Variants in TSPAN9 observed in about 807,000 individuals in gnomAD.
The protein encoded by TSPAN9 is tetraspanin 9.
Under a neutral mutation model 31.0 loss-of-function variants are expected in TSPAN9, and 16 were observed. The observed-to-expected ratio is 0.52, with a 90% CI of 0.35 to 0.78. TSPAN9 has a LOEUF of 0.78. Among genes scored for constraint, TSPAN9 ranks in the 30% least tolerant of loss-of-function variants. The pLI, the probability that TSPAN9 is intolerant of heterozygous loss-of-function variation, is 0.01. For synonymous variants in TSPAN9, 145 were observed against 121.6 expected, an observed-to-expected ratio of 1.19 and a Z score of -1.27; for missense variants, 272 against 312.5, an observed-to-expected ratio of 0.87 and a Z score of 0.98.
At chr12:3,202,540 A>T (rs1027113304) in intron 3 of TSPAN9, among the ~76,000 whole-genome samples, 3 of 152,172 alleles carry the variant, frequency 2.0e-5, no homozygotes, top group South Asian at 2.1e-4. Context: ...ACCTTGGGCA[A>T]ATCACTTGGT....
chr12:3,166,587 G>A (rs907666969), intron 2 of TSPAN9, among the ~76,000 whole-genome samples: 7 of 152,210 alleles, frequency 4.6e-5, no homozygotes, highest in African/African-American at 1.7e-4. Context: ...CTAACCTTCT[G>A]TTGAAGTATA....
chr12:3,189,975 C>T (rs1352075873), intron 2 of TSPAN9, among the ~76,000 whole-genome samples: 2 of 152,152 alleles, frequency 1.3e-5, no homozygotes, highest in South Asian at 2.1e-4. Flanking sequence ...ACTCTATCAG[C>T]GAGAGTGGAA....
intron 2 of TSPAN9, among the ~76,000 whole-genome samples, chr12:3,096,128 G>T (rs766140888): frequency 6.6e-6 from 1 of 152,206 alleles, no homozygotes. Flanking sequence ...GGGCGGCGGC[G>T]GCTGCCGCTT....
chr12:3,207,926 C>T (rs970649035), intron 3 of TSPAN9, among the ~76,000 whole-genome samples: 4 of 152,240 alleles, frequency 2.6e-5, no homozygotes, highest in African/African-American at 4.8e-5. Flanking sequence ...GAGTGGGCGC[C>T]TCCAGAAGTG....
At chr12:3,116,237 T>C (rs901000143) in intron 2 of TSPAN9, among the ~76,000 whole-genome samples, 2 of 152,206 alleles carry the variant, frequency 1.3e-5, no homozygotes, top group African/African-American at 4.8e-5. Context: ...GCATAGCAGA[T>C]CAGGATGCAG....
intron 2 of TSPAN9, among the ~76,000 whole-genome samples, chr12:3,142,481 G>A (rs891025184): frequency 2.0e-5 from 3 of 152,204 alleles, no homozygotes; most frequent in African/African-American, 7.2e-5. Context: ...TGGGATGAAA[G>A]GTGATATATA....
chr12:3,191,274 TG>T (rs5796039), intron 2 of TSPAN9, among the ~76,000 whole-genome samples: 35,577 of 151,958 alleles, frequency 0.23, 5,136 homozygotes, highest in South Asian at 0.4. Context: ...ATCTGTGCTC[TG>T]GCCCACCCTC....
intron 3 of TSPAN9, among the ~76,000 whole-genome samples, chr12:3,246,545 C>T (rs976214444): frequency 3.3e-5 from 5 of 152,146 alleles, no homozygotes; most frequent in African/African-American, 1.2e-4. Context: ...GCAAAATTTC[C>T]CACTTGAGAA....
chr12:3,078,302 C>T (rs2098296153), intron 1 of TSPAN9, among the ~76,000 whole-genome samples: 1 of 152,102 alleles, frequency 6.6e-6, no homozygotes, highest in East Asian at 1.9e-4. Flanking sequence ...TCATTATGTG[C>T]GCGTGCCCTT....
chr12:3,220,784 G>A (rs2098384072), intron 3 of TSPAN9, among the ~76,000 whole-genome samples: 1 of 152,126 alleles, frequency 6.6e-6, no homozygotes, highest in East Asian at 1.9e-4. Flanking sequence ...CAGCACAGAG[G>A]GCTCTCGGTG....
chr12:3,161,681 C>T (rs771329762), intron 2 of TSPAN9, among the ~76,000 whole-genome samples: 6 of 152,158 alleles, frequency 3.9e-5, no homozygotes, highest in African/African-American at 7.2e-5. Context: ...TGATATTGTA[C>T]AATTCTGTGT....
chr12:3,232,394 A>G (rs1388595950), intron 3 of TSPAN9, among the ~76,000 whole-genome samples: 3 of 152,168 alleles, frequency 2.0e-5, no homozygotes, highest in South Asian at 4.1e-4. Context: ...AGGGAGGGAT[A>G]TGGACACAGC....
At chr12:3,239,767 G>C (rs2098395619) in intron 3 of TSPAN9, among the ~76,000 whole-genome samples, 1 of 152,166 alleles carries the variant, frequency 6.6e-6, no homozygotes, top group South Asian at 2.1e-4. Context: ...GGTCATTGGA[G>C]CTTCCGACAG....
chr12:3,271,141 C>T (rs1862669671), intron 3 of TSPAN9, among the ~76,000 whole-genome samples: 1 of 152,200 alleles, frequency 6.6e-6, no homozygotes, highest in African/African-American at 2.4e-5. Flanking sequence ...TGTCATCTCC[C>T]TGACACCTTT....
intron 2 of TSPAN9, among the ~76,000 whole-genome samples, chr12:3,142,908 G>C (rs1197746876): frequency 2.0e-5 from 3 of 152,206 alleles, no homozygotes; most frequent in Non-Finnish European, 4.4e-5. Context: ...ATTGCGTTGA[G>C]TTGTCCTGTC....
intron 2 of TSPAN9, among the ~76,000 whole-genome samples, chr12:3,091,024 C>CT (rs2098304244): frequency 6.6e-6 from 1 of 152,214 alleles, no homozygotes; most frequent in Non-Finnish European, 1.5e-5. Context: ...CCCTATGGCT[C>CT]TGAGAGCTGT....
chr12:3,213,283 C>T (rs1287455859), intron 3 of TSPAN9, among the ~76,000 whole-genome samples: 2 of 152,188 alleles, frequency 1.3e-5, no homozygotes, highest in Non-Finnish European at 2.9e-5. Context: ...GCCTTCTGTT[C>T]TCTGTACAGT....
At chr12:3,123,341 C>T (rs1237160515) in intron 2 of TSPAN9, among the ~76,000 whole-genome samples, 2 of 152,196 alleles carry the variant, frequency 1.3e-5, no homozygotes, top group Non-Finnish European at 2.9e-5. Flanking sequence ...TTTGATTTCC[C>T]TGTAGCTTGT....
intron 3 of TSPAN9, among the ~76,000 whole-genome samples, chr12:3,247,526 C>T (rs920371186): frequency 4.6e-5 from 7 of 152,060 alleles, no homozygotes; most frequent in African/African-American, 1.7e-4. Flanking sequence ...CAGACATGGG[C>T]GAGGGAAGAC....
Sources: gnomAD v4.1 joint callset for allele counts (sites outside exome capture counted in the v4.1 genomes callset) on GRCh38, gnomAD v4.1.1 for gene constraint, MANE v1.5 for transcripts, NCBI Gene and HGNC (gene_info 2026-07-23, HGNC 2026-07-21) for gene names.